The following NDUFAF6 variants were observed in gnomAD, a reference collection of about 807,000 sequenced individuals.
NDUFAF6 encodes the protein NADH:ubiquinone oxidoreductase complex assembly factor 6.
NDUFAF6 carries 45 observed loss-of-function variants against 40.8 expected under a neutral mutation model. The ratio of observed to expected loss-of-function variants is 1.10; its 90% confidence interval spans 0.87 to 1.42. The LOEUF is 1.42. Ranked by LOEUF, NDUFAF6 falls within the 40% of genes most tolerant of loss-of-function variation. NDUFAF6 has a pLI of 0.00. For synonymous variants in NDUFAF6, 185 were observed against 155.9 expected, an observed-to-expected ratio of 1.19 and a Z score of -1.39; for missense variants, 435 against 418.5, an observed-to-expected ratio of 1.04 and a Z score of -0.34.
At chr8:95,074,145 A>G (rs1415453426) in intron 9 of NDUFAF6, among the ~76,000 whole-genome samples, 1 of 152,164 alleles carries the variant, frequency 6.6e-6, no homozygotes, top group Admixed American at 6.5e-5. Flanking sequence ...TAATGAAAAC[A>G]TGGGAGTTCG....
chr8:94,940,164 C>A (rs1821383009), intron 1 of NDUFAF6: 1 of 1,614,010 alleles, frequency 6.2e-7, no homozygotes, highest in African/African-American at 1.3e-5. Flanking sequence ...GTAGGTGACT[C>A]TTCACTGATG....
At chr8:94,973,490 C>T (rs1281876696) in intron 1 of NDUFAF6, among the ~76,000 whole-genome samples, 4 of 152,094 alleles carry the variant, frequency 2.6e-5, no homozygotes, top group East Asian at 3.8e-4. Flanking sequence ...GGGCAGATCA[C>T]GAGGTCAGGA....
chr8:95,024,992 C>T lies in NDUFAF6; in HGVS notation c.-17C>T. 1.5e-6 allele frequency: 2 copies of T among 1,319,056 alleles called. No individual in the cohort carries two copies. The highest frequency in any genetic ancestry group is 1.9e-6 in the Non-Finnish European group (2 of 1,040,722). The allele number at this position is 1,319,056 out of a possible 1,614,324, so 81.7% of individuals were successfully genotyped here. On this transcript the variant is annotated 5_prime_UTR_variant, in exon 1 of 9. Coordinates refer to ENST00000396124, the MANE Select transcript of NDUFAF6 (RefSeq NM_152416.4). ...GCGCCGACGGCGGGGGGTCGAAGGG[C>T]ACGCAGTGCCGGCGTCATGGCGGCC...
intron 2 of NDUFAF6, among the ~76,000 whole-genome samples, chr8:95,017,021 C>G (rs1827483485): frequency 6.7e-6 from 1 of 148,386 alleles, no homozygotes; most frequent in Non-Finnish European, 1.5e-5. Context: ...GCGGCCTCAA[C>G]TTCTGGGCTC....
In NDUFAF6 at chr8:95,071,347, G is replaced by C. The variant is rs182498634; in HGVS notation, c.*512-4286G>C. Among the ~76,000 whole-genome samples, 209 of 144,666 alleles carry C rather than the reference G, an allele frequency of 1.4e-3. 1 individual carries two copies. The highest frequency in any genetic ancestry group is 5.2e-3 in the African/African-American group (202 of 39,116). The allele number at this position is 144,666 out of a possible 152,430, so 94.9% of individuals were successfully genotyped here. ...TGGGAGGTGGAGTTTGCAGTGAGCC[G>C]AGATCTCACCACTGCACTCCAGCCT... On this transcript the variant is annotated intron_variant and NMD_transcript_variant, in intron 9 of 9. Transcript: ENST00000520757.
At position 95,057,882 on chromosome 8, in the gene NDUFAF6, A is replaced by C; in HGVS notation, c.947A>C (p.Lys316Thr). 6.3e-7 allele frequency: 1 copy of C among 1,591,420 alleles called. No homozygotes were observed. Among genetic ancestry groups the C allele is most frequent in the Non-Finnish European group, 8.6e-7 (1 of 1,159,708 alleles). Residue 316 changes from lysine to threonine, a missense_variant, in exon 9 of 9, where the codon AAG (lysine) becomes ACG (threonine). Transcript: ENST00000396124. ...ATATTCCACCCATCTTTACAGCAGAAGAATACATTACTTCCATTATATTTG... is the reference window on the plus strand; with the variant it reads ...ATATTCCACCCATCTTTACAGCAGACGAATACATTACTTCCATTATATTTG... ...FDIFHPSLQQ[K>T]NTLLPLYLYI...
downstream of NDUFAF6, among the ~76,000 whole-genome samples, chr8:95,105,151 A>T (rs562164571): frequency 4.0e-5 from 6 of 151,716 alleles, no homozygotes; most frequent in South Asian, 1.2e-3. Context: ...AAGTAGCCTC[A>T]GTTCCAGATG....
intron 3 of NDUFAF6, chr8:95,040,752 T>G (rs555615836): frequency 6.6e-6 from 1 of 152,394 alleles, no homozygotes; most frequent in Admixed American, 6.5e-5. Flanking sequence ...GCGGCTGCTA[T>G]GTCCTTGTGA....
intron 1 of NDUFAF6, among the ~76,000 whole-genome samples, chr8:94,901,401 G>T (rs1022317560): frequency 1.3e-5 from 2 of 151,962 alleles, no homozygotes; most frequent in African/African-American, 4.8e-5. Context: ...ATTGGGAGAA[G>T]CACACTCAGG....
At chr8:95,015,890 A>C (rs1196228096) in intron 2 of NDUFAF6, among the ~76,000 whole-genome samples, 9 of 151,504 alleles carry the variant, frequency 5.9e-5, no homozygotes, top group Admixed American at 4.6e-4. Context: ...GGATAAATAG[A>C]AATTAGCCAG....
At chr8:94,956,969 G>A (rs549866232), upstream of NDUFAF6, among the ~76,000 whole-genome samples, 14 of 152,076 alleles carry the variant, frequency 9.2e-5, no homozygotes, top group South Asian at 2.1e-4. Flanking sequence ...TCAGGAGTTC[G>A]AGACCAGCCT....
downstream of NDUFAF6, among the ~76,000 whole-genome samples, chr8:95,105,737 G>A (rs1053509954): frequency 2.6e-5 from 4 of 151,930 alleles, no homozygotes; most frequent in East Asian, 1.9e-4. Flanking sequence ...TCCTGATCAC[G>A]TGATCTGCCT....
chr8:94,980,083 T>G, intron 1 of NDUFAF6, among the ~76,000 whole-genome samples: 1 of 150,370 alleles, frequency 6.7e-6, no homozygotes, highest in Non-Finnish European at 1.5e-5. Context: ...GTTTACAGAG[T>G]GAGACTCTGT....
downstream of NDUFAF6, among the ~76,000 whole-genome samples, chr8:95,105,056 CACACACACACAGAGAGAGAGAGAG>C (rs1563870664): frequency 6.6e-5 from 4 of 60,666 alleles, no homozygotes; most frequent in African/African-American, 2.7e-4. Context: ...CACACACACA[CACACACACACAGAGAGAGAGAGAG>C]AGAGAGAGAG....
upstream of NDUFAF6, among the ~76,000 whole-genome samples, chr8:94,957,606 C>A (rs1823191067): frequency 6.6e-6 from 1 of 152,176 alleles, no homozygotes; most frequent in South Asian, 2.1e-4. Context: ...GCTTCTAGAT[C>A]CAGCAAGATG....
intron 2 of NDUFAF6, among the ~76,000 whole-genome samples, chr8:95,092,183 ATTTTT>A (rs10689536): frequency 2.8e-5 from 4 of 142,506 alleles, no homozygotes; most frequent in African/African-American, 7.8e-5. Flanking sequence ...CTTTGACACA[ATTTTT>A]TTTTTTTTTT....
chr8:95,063,584 G>A (rs1018992579), downstream of NDUFAF6, among the ~76,000 whole-genome samples: 2 of 152,094 alleles, frequency 1.3e-5, no homozygotes, highest in Non-Finnish European at 2.9e-5. Context: ...GTGACACAGC[G>A]AGACTCTGTC....
downstream of NDUFAF6, among the ~76,000 whole-genome samples, chr8:95,107,136 T>A (rs1809863219): frequency 6.6e-6 from 1 of 152,222 alleles, no homozygotes; most frequent in African/African-American, 2.4e-5. Flanking sequence ...TTACTGGGTA[T>A]ATACCCAAAG....
At chr8:94,926,320 G>A (rs1218112223) in intron 1 of NDUFAF6, 1 of 151,370 alleles carries the variant, frequency 6.6e-6, no homozygotes, top group African/African-American at 2.4e-5. Flanking sequence ...GAAGGCACAT[G>A]TACAGTCTAC....
Sources: allele counts gnomAD v4.1 joint callset (sites outside exome capture counted in the v4.1 genomes callset), GRCh38; gene constraint gnomAD v4.1.1; transcripts MANE v1.5; gene names NCBI Gene and HGNC (gene_info 2026-07-23, HGNC 2026-07-21).